The following GRID1 variants were observed in gnomAD, a reference collection of about 807,000 sequenced individuals.
GRID1 encodes the protein glutamate receptor ionotropic, delta-1.
Under a neutral mutation model 98.0 loss-of-function variants are expected in GRID1, and 28 were observed. The ratio of observed to expected loss-of-function variants is 0.29; its 90% CI spans 0.21 to 0.39. The LOEUF is 0.39. Ranked by LOEUF, GRID1 falls within the 10% of genes least tolerant of loss-of-function variation. GRID1 has a pLI of 1.00. For synonymous variants in GRID1, 553 were observed against 538.5 expected (o/e 1.03, Z -0.37); for missense variants, 1,111 against 1,340.5 (o/e 0.83, Z 2.67).
chr10:85,670,107 A>G (rs940103788), intron 12 of GRID1, among the ~76,000 whole-genome samples: 43 of 152,234 alleles, frequency 2.8e-4, no homozygotes, highest in African/African-American at 9.9e-4. Flanking sequence ...TCATTAATAA[A>G]TACATCTGGG....
At chr10:86,247,987 C>G (rs1054750795) in intron 2 of GRID1, among the ~76,000 whole-genome samples, 1 of 152,202 alleles carries the variant, frequency 6.6e-6, no homozygotes, top group African/African-American at 2.4e-5. Context: ...ACAACCAGAT[C>G]CCCCCACAAC....
chr10:85,763,476 A>G (rs1842168485), intron 8 of GRID1, among the ~76,000 whole-genome samples: 1 of 152,232 alleles, frequency 6.6e-6, no homozygotes, highest in Non-Finnish European at 1.5e-5. Flanking sequence ...TACATAATGC[A>G]ACTTATCTCA....
At chr10:86,237,420 G>C (rs1240323912) in intron 2 of GRID1, among the ~76,000 whole-genome samples, 1 of 152,122 alleles carries the variant, frequency 6.6e-6, no homozygotes, top group Non-Finnish European at 1.5e-5. Context: ...GTAGCACCTG[G>C]ATGGGCACAG....
intron 3 of GRID1, among the ~76,000 whole-genome samples, chr10:86,163,735 T>G (rs771721866): frequency 1.1e-4 from 16 of 152,176 alleles, no homozygotes; most frequent in Non-Finnish European, 1.8e-4. Flanking sequence ...GAGGCCTGGG[T>G]CAGACAATGT....
At chr10:86,070,677 C>T (rs561429347) in intron 4 of GRID1, among the ~76,000 whole-genome samples, 1 of 152,342 alleles carries the variant, frequency 6.6e-6, no homozygotes, top group East Asian at 1.9e-4. Context: ...GACACTTCTT[C>T]CTGGCCCCTC....
At chr10:86,300,298 T>C (rs879196192) in intron 2 of GRID1, among the ~76,000 whole-genome samples, 3 of 151,618 alleles carry the variant, frequency 2.0e-5, no homozygotes, top group South Asian at 2.1e-4. Flanking sequence ...AAATTTGATA[T>C]GGTAGCCCTA....
intron 12 of GRID1, among the ~76,000 whole-genome samples, chr10:85,667,314 CACAGAGAGAG>C (rs920034740): frequency 4.1e-5 from 6 of 146,436 alleles, no homozygotes; most frequent in African/African-American, 1.6e-4. Context: ...ATCACACACA[CACAGAGAGAG>C]AGAGAGAGAG....
At chr10:85,962,485 G>A (rs780695629) in intron 4 of GRID1, among the ~76,000 whole-genome samples, 1 of 152,314 alleles carries the variant, frequency 6.6e-6, no homozygotes, top group East Asian at 1.9e-4. Flanking sequence ...GATGCCCAGA[G>A]AAGTTACATT....
chr10:86,324,276 T>C lies in GRID1; in HGVS notation c.235+39665A>G, dbSNP rs528150514. On this transcript the variant is annotated intron_variant, in intron 2 of 15. Transcript: ENST00000327946. ...TGATACAGCTCGGGGCAGAAGGACA[T>C]TGAGGCATAGAAAGGTCTCAATTTG... is the stretch of plus-strand genomic sequence containing the variant. 4.5e-4 allele frequency among the ~76,000 whole-genome samples: 68 copies of C among 152,310 alleles called. 1 individual carries two copies. Among genetic ancestry groups the C allele is most frequent in the African/African-American group, 1.6e-3 (65 of 41,570 alleles).
chr10:85,944,050 A>T (rs1339993473), intron 4 of GRID1, among the ~76,000 whole-genome samples: 1 of 152,234 alleles, frequency 6.6e-6, no homozygotes, highest in Non-Finnish European at 1.5e-5. Context: ...GGATTATGAG[A>T]CACACATGGC....
intron 4 of GRID1, among the ~76,000 whole-genome samples, chr10:85,989,750 T>C (rs1842657284): frequency 6.6e-6 from 1 of 152,206 alleles, no homozygotes; most frequent in Non-Finnish European, 1.5e-5. Flanking sequence ...AGACCGCTGT[T>C]CTACAGGAAG....
intron 8 of GRID1, among the ~76,000 whole-genome samples, chr10:85,820,693 G>A (rs72842907): frequency 0.031 from 4,746 of 152,082 alleles, 209 homozygotes; most frequent in East Asian, 0.2. Context: ...AATTATAAAA[G>A]CCACAACAAG....
At chr10:86,173,591 A>AT (rs1258180721) in intron 3 of GRID1, among the ~76,000 whole-genome samples, 1 of 149,084 alleles carries the variant, frequency 6.7e-6, no homozygotes, top group Non-Finnish European at 1.5e-5. Flanking sequence ...TTATTTTATT[A>AT]TACTTTAAGT....
At chr10:86,110,178 T>C (rs1207310255) in intron 4 of GRID1, among the ~76,000 whole-genome samples, 2 of 152,138 alleles carry the variant, frequency 1.3e-5, no homozygotes, top group Non-Finnish European at 2.9e-5. Flanking sequence ...TTCACCATAT[T>C]GGTCAGGCTG....
intron 13 of GRID1, among the ~76,000 whole-genome samples, chr10:85,622,450 A>G (rs1385214880): frequency 6.6e-6 from 1 of 152,050 alleles, no homozygotes; most frequent in Non-Finnish European, 1.5e-5. Flanking sequence ...TATGTTGCCC[A>G]GGCTGAACTT....
At chr10:86,289,988 C>T (rs995270838) in intron 2 of GRID1, among the ~76,000 whole-genome samples, 3 of 152,102 alleles carry the variant, frequency 2.0e-5, no homozygotes, top group Non-Finnish European at 2.9e-5. Context: ...AACAAGACAC[C>T]GCGAGGGAGC....
intron 8 of GRID1, among the ~76,000 whole-genome samples, chr10:85,743,101 T>C (rs1424699650): frequency 1.0e-5 from 1 of 99,646 alleles, no homozygotes; most frequent in Non-Finnish European, 2.1e-5. Context: ...GATAGAATTA[T>C]GCAGCCCCCC....
chr10:85,993,977 A>G (rs1207088033), intron 4 of GRID1, among the ~76,000 whole-genome samples: 1 of 152,162 alleles, frequency 6.6e-6, no homozygotes, highest in Non-Finnish European at 1.5e-5. Context: ...ACCAGTTTAA[A>G]TATGGAGCAG....
intron 4 of GRID1, among the ~76,000 whole-genome samples, chr10:86,083,359 C>T (rs908363267): frequency 6.6e-6 from 1 of 152,140 alleles, no homozygotes; most frequent in Admixed American, 6.5e-5. Flanking sequence ...CTAAGCCCAG[C>T]GTGGTGTCGC....
Sources: allele counts gnomAD v4.1 joint callset (sites outside exome capture counted in the v4.1 genomes callset), GRCh38; gene constraint gnomAD v4.1.1; transcripts MANE v1.5; gene names NCBI Gene and HGNC (gene_info 2026-07-23, HGNC 2026-07-21).